The following LONP2 variants were observed in gnomAD, a reference collection of about 807,000 sequenced individuals.
The protein encoded by LONP2 is lon peptidase 2, peroxisomal, also known as lon protease homolog 2, peroxisomal.
In LONP2, 60 loss-of-function variants were observed where a neutral mutation model predicts 85.6. The ratio of observed to expected loss-of-function variants is 0.70; its 90% CI spans 0.57 to 0.87. The LOEUF (loss-of-function observed/expected upper bound fraction) is 0.87. Among genes scored for constraint, LONP2 ranks in the 40% least tolerant of loss-of-function variants. The pLI is 0.00. For missense variants in LONP2, 860 were observed against 1,063.5 expected (o/e 0.81, Z 2.66); for synonymous variants, 395 against 389.7 (o/e 1.01, Z -0.16).
chr16:48,245,802 A>G (rs900473360), intron 1 of LONP2, among the ~76,000 whole-genome samples: 1 of 152,178 alleles, frequency 6.6e-6, no homozygotes, highest in South Asian at 2.1e-4. Flanking sequence ...CTAAAATTTT[A>G]TATGTGGTCC....
At chr16:48,292,844 G>A (rs1972583998) in intron 8 of LONP2, among the ~76,000 whole-genome samples, 1 of 152,172 alleles carries the variant, frequency 6.6e-6, no homozygotes, top group Non-Finnish European at 1.5e-5. Context: ...GTTTCTGGGA[G>A]CTGCCCAATT....
At chr16:48,296,435 C>G (rs1972672542) in intron 9 of LONP2, among the ~76,000 whole-genome samples, 1 of 152,074 alleles carries the variant, frequency 6.6e-6, no homozygotes, top group Non-Finnish European at 1.5e-5. Context: ...AGTATAATTT[C>G]TAAAATGGCA....
At chr16:48,255,440 C>G (rs1031366108) in intron 2 of LONP2, among the ~76,000 whole-genome samples, 1 of 152,090 alleles carries the variant, frequency 6.6e-6, no homozygotes, top group African/African-American at 2.4e-5. Flanking sequence ...AGAGCAGTGC[C>G]CAGAAGAAAA....
At chr16:48,249,914 AG>A (rs956775869) in intron 1 of LONP2, among the ~76,000 whole-genome samples, 45 of 150,486 alleles carry the variant, frequency 3.0e-4, no homozygotes, top group Admixed American at 2.8e-3. Context: ...CCTTTTGGCC[AG>A]GTGTGGTGGC....
At chr16:48,295,623 A>C (rs1480643645) in intron 8 of LONP2, among the ~76,000 whole-genome samples, 1 of 152,232 alleles carries the variant, frequency 6.6e-6, no homozygotes, top group African/African-American at 2.4e-5. Context: ...AGAATTTCAA[A>C]ATACTTTACA....
chr16:48,266,225 G>A (rs1029169597), intron 6 of LONP2, among the ~76,000 whole-genome samples: 2 of 151,800 alleles, frequency 1.3e-5, no homozygotes, highest in African/African-American at 2.4e-5. Flanking sequence ...GGCTAGTCTC[G>A]AACTCTTGAC....
At chr16:48,307,231 A>G (rs1972929805) in intron 11 of LONP2, among the ~76,000 whole-genome samples, 1 of 152,196 alleles carries the variant, frequency 6.6e-6, no homozygotes, top group Non-Finnish European at 1.5e-5. Context: ...AAGTATGAGA[A>G]TTGTTTCTTT....
intron 8 of LONP2, among the ~76,000 whole-genome samples, chr16:48,280,594 A>G (rs1972305950): frequency 6.6e-6 from 1 of 152,328 alleles, no homozygotes; most frequent in African/African-American, 2.4e-5. Flanking sequence ...AAAAGGTATG[A>G]AAACCTCAAA....
chr16:48,350,586 C>T (rs560004795), intron 14 of LONP2, among the ~76,000 whole-genome samples: 1 of 152,284 alleles, frequency 6.6e-6, no homozygotes, highest in South Asian at 2.1e-4. Context: ...AAGAAGATGC[C>T]AGTGGGGCGG....
At chr16:48,250,374 T>C (rs1285977144) in intron 1 of LONP2, among the ~76,000 whole-genome samples, 3 of 151,566 alleles carry the variant, frequency 2.0e-5, no homozygotes, top group Admixed American at 2.0e-4. Context: ...CCCAGCTACT[T>C]GGGAGGCTGA....
intron 12 of LONP2, among the ~76,000 whole-genome samples, chr16:48,341,043 TG>T (rs1212460813): frequency 6.6e-6 from 1 of 151,814 alleles, no homozygotes; most frequent in Non-Finnish European, 1.5e-5. Flanking sequence ...GGCTCACACC[TG>T]TAATCCCAGC....
chr16:48,273,772 AATAAT>A (rs1972151340), intron 7 of LONP2, among the ~76,000 whole-genome samples: 1 of 152,182 alleles, frequency 6.6e-6, no homozygotes, highest in Non-Finnish European at 1.5e-5. Flanking sequence ...GGTAAAAAGA[AATAAT>A]ATATTATTGT....
chr16:48,296,188 T>C (rs1374165877), intron 9 of LONP2, 23 bp downstream of exon 9: 12 of 1,610,508 alleles, frequency 7.5e-6, no homozygotes, highest in East Asian at 2.2e-5. Context: ...TAAATCATTA[T>C]GATACATCTT....
rs1262071826 is a variant in LONP2 at position 48,356,579 on chromosome 16, C to G, written c.*4777C>G. 1.7e-5 allele frequency: 4 copies of G among 231,540 alleles called. No individual in the cohort carries two copies. Among genetic ancestry groups the G allele is most frequent in the Non-Finnish European group, 2.7e-5 (3 of 111,656 alleles). The allele number at this position is 231,540 out of a possible 1,614,324, so 14.3% of individuals were successfully genotyped here. A position where few individuals can be genotyped will look rare whatever the true frequency, so the allele number is the denominator to read the frequency against. ...CAATTTGATGATTTATGGTCCAACA[C>G]TAATGCTCATTTTTTTTGTTTGTTT... On this transcript the variant is annotated 3_prime_UTR_variant, in exon 15 of 15. Coordinates refer to ENST00000285737, the MANE Select transcript of LONP2 (RefSeq NM_031490.5).
intron 1 of LONP2, among the ~76,000 whole-genome samples, chr16:48,248,757 C>T (rs552529161): frequency 2.0e-5 from 3 of 151,878 alleles, no homozygotes; most frequent in Admixed American, 2.0e-4. Context: ...GTGGCACGTG[C>T]CTGTACTCCC....
At chr16:48,250,740 AT>A (rs974931880) in intron 1 of LONP2, among the ~76,000 whole-genome samples, 1 of 152,174 alleles carries the variant, frequency 6.6e-6, no homozygotes, top group Admixed American at 6.5e-5. Flanking sequence ...GCAATTAATT[AT>A]GTTTAAGTTA....
chr16:48,314,552 A>G (rs1241190362), intron 11 of LONP2, among the ~76,000 whole-genome samples: 1 of 152,166 alleles, frequency 6.6e-6, no homozygotes, highest in African/African-American at 2.4e-5. Context: ...TCCCAGCACC[A>G]TTTATTAAAT....
chr16:48,275,554 T>C (rs1005995417), intron 7 of LONP2, among the ~76,000 whole-genome samples: 1 of 152,178 alleles, frequency 6.6e-6, no homozygotes, highest in African/African-American at 2.4e-5. Flanking sequence ...ATTAGAGCGA[T>C]CCCTTTGTGA....
chr16:48,344,234 A>G (rs996390952), intron 12 of LONP2: 1 of 152,162 alleles, frequency 6.6e-6, no homozygotes, highest in Admixed American at 6.6e-5. Context: ...TGGAAACCAG[A>G]TGCTTGATAT....
Sources: gnomAD v4.1 joint callset for allele counts (sites outside exome capture counted in the v4.1 genomes callset) on GRCh38, gnomAD v4.1.1 for gene constraint, MANE v1.5 for transcripts, NCBI Gene and HGNC (gene_info 2026-07-23, HGNC 2026-07-21) for gene names.